The following INPP4A variants were observed in gnomAD, a reference collection of about 807,000 sequenced individuals.
INPP4A encodes inositol polyphosphate-4-phosphatase type I A.
INPP4A carries 33 observed loss-of-function variants against 119.8 expected under a neutral mutation model. The ratio of observed to expected loss-of-function variants is 0.28; its 90% CI spans 0.21 to 0.37. The LOEUF (loss-of-function observed/expected upper bound fraction) is 0.37, where lower values mean the gene tolerates loss of function less well. INPP4A is among the 10% of genes least tolerant of loss of function. The pLI is 1.00. For synonymous variants in INPP4A, 496 were observed against 500.7 expected (o/e 0.99, Z 0.12); for missense variants, 956 against 1,289.9 (o/e 0.74, Z 3.97).
In INPP4A at chr2:98,590,565, G is replaced by A. The variant is rs184839353; in HGVS notation, c.*2957G>A. 1.2e-4 allele frequency: 23 copies of A among 197,026 alleles called. 1 individual carries two copies. The East Asian group carries it at 1.6e-3, about 14-fold the overall frequency. 12.2% of individuals were successfully genotyped at this position (197,026 alleles called of 1,614,324 possible). ...TGGTAGCCATTGTTGTTACCTTCCC[G>A]TCTGTGAACATGGATCACATCATCT... On this transcript the variant is annotated 3_prime_UTR_variant, in exon 25 of 25. Transcript: ENST00000409851.
chr2:98,518,732 G>C (rs533219067), intron 1 of INPP4A, among the ~76,000 whole-genome samples: 2 of 152,176 alleles, frequency 1.3e-5, no homozygotes, highest in Non-Finnish European at 2.9e-5. Flanking sequence ...TTTAGGACAG[G>C]CCCAGACTCC....
chr2:98,513,647 G>A (rs1685554578), intron 1 of INPP4A, among the ~76,000 whole-genome samples: 1 of 152,212 alleles, frequency 6.6e-6, no homozygotes, highest in South Asian at 2.1e-4. Context: ...GAGCTGTTGT[G>A]GCAAGCCTGC....
chr2:98,488,954 T>TGA (rs1337518364), intron 1 of INPP4A, among the ~76,000 whole-genome samples: 1 of 150,956 alleles, frequency 6.6e-6, no homozygotes, highest in African/African-American at 2.4e-5. Flanking sequence ...TGTGTGTGTG[T>TGA]GTGTGTGTGT....
At chr2:98,475,282 C>G (rs1676975253) in intron 1 of INPP4A, among the ~76,000 whole-genome samples, 1 of 152,066 alleles carries the variant, frequency 6.6e-6, no homozygotes, top group South Asian at 2.1e-4. Context: ...ATCCTGGGTG[C>G]AACTTCATGC....
chr2:98,492,029 A>G (rs1424866479), intron 1 of INPP4A, among the ~76,000 whole-genome samples: 1 of 152,076 alleles, frequency 6.6e-6, no homozygotes, highest in Non-Finnish European at 1.5e-5. Flanking sequence ...AGCTGGGATT[A>G]TAGGCATGAA....
At chr2:98,581,217 G>A (rs953381681) in intron 24 of INPP4A, among the ~76,000 whole-genome samples, 3 of 152,208 alleles carry the variant, frequency 2.0e-5, no homozygotes, top group East Asian at 1.9e-4. Flanking sequence ...GGGCATGGCC[G>A]GGCAGCATGG....
chr2:98,576,956 G>C lies in INPP4A; in HGVS notation c.2632-33G>C, dbSNP rs757105244. ...GGGTGCTGCCTTTCTGTGGAGCCTC[G>C]CCTCTAAGCACGGCCCATGTTTCTG... On this transcript the variant is annotated intron_variant, in intron 23 of 24. Transcript: ENST00000409851. 2.5e-6 allele frequency: 4 copies of C among 1,593,400 alleles called. No homozygotes were observed. The African/African-American group carries it at 4.0e-5, about 16-fold the overall frequency.
chr2:98,550,477 G>T (rs921235688), intron 13 of INPP4A, among the ~76,000 whole-genome samples: 1 of 152,158 alleles, frequency 6.6e-6, no homozygotes, highest in Non-Finnish European at 1.5e-5. Flanking sequence ...CCACCCTTAC[G>T]CTCTCATGGC....
Position 98,588,746 on chromosome 2 carries a change from A to G in INPP4A, c.*1138A>G, listed in dbSNP as rs1430731075. On this transcript the variant is annotated 3_prime_UTR_variant, in exon 25 of 25. Coordinates refer to ENST00000409851, the MANE Select transcript of INPP4A (RefSeq NM_001134225.2). ...ATTTTGTCTGGTCATCTTTTATAAGATGATGATGAGTCTTATCTGCACATA... is the reference window on the plus strand; with the variant it reads ...ATTTTGTCTGGTCATCTTTTATAAGGTGATGATGAGTCTTATCTGCACATA... The G allele has an allele frequency of 4.5e-6, 1 of 222,236 alleles. No homozygotes were observed. Among genetic ancestry groups the G allele is most frequent in the South Asian group, 1.8e-4 (1 of 5,446 alleles). 13.8% of individuals were successfully genotyped at this position (222,236 alleles called of 1,614,324 possible).
chr2:98,473,581 G>A (rs1676603342), intron 1 of INPP4A, among the ~76,000 whole-genome samples: 2 of 152,250 alleles, frequency 1.3e-5, no homozygotes, highest in South Asian at 4.1e-4. Flanking sequence ...CTTACTCTGG[G>A]CACTGGCCAT....
intron 1 of INPP4A, among the ~76,000 whole-genome samples, chr2:98,448,287 T>A (rs1574435585): frequency 7.7e-6 from 1 of 129,506 alleles, no homozygotes; most frequent in Non-Finnish European, 1.6e-5. Context: ...ACTCAGGAGG[T>A]GGAGGTTGCA....
At chr2:98,482,689 C>G (rs1246553110) in intron 1 of INPP4A, among the ~76,000 whole-genome samples, 4 of 152,244 alleles carry the variant, frequency 2.6e-5, no homozygotes, top group Non-Finnish European at 5.9e-5. Context: ...CAGGGATGAG[C>G]CTCTGAGCAA....
chr2:98,564,667 A>G lies in INPP4A; in HGVS notation c.2056A>G (p.Ile686Val), dbSNP rs1322380161. The G allele has an allele frequency of 3.1e-6, 5 of 1,613,268 alleles. No homozygotes were observed. The African/African-American group carries it at 4.0e-5, about 13-fold the overall frequency. Reference sequence around the variant, plus strand: ...GACCGCCCTCATCTGCGGCTTCATCATTAAGCTGAGGAACTGCCTGCATGA... The same window carrying G: ...GACCGCCCTCATCTGCGGCTTCATCGTTAAGCTGAGGAACTGCCTGCATGA... ...TLTALICGFI[I>V]KLRNCLHDDG... The change falls in exon 19 of 25, where the codon ATT (isoleucine) becomes GTT (valine). Residue 686 changes from isoleucine (I) to valine (V), a missense_variant. Ile to Val is a conservative substitution (Grantham distance 29). Coordinates refer to ENST00000409851, the MANE Select transcript of INPP4A (RefSeq NM_001134225.2).
intron 1 of INPP4A, among the ~76,000 whole-genome samples, chr2:98,484,149 A>T (rs1679061366): frequency 6.6e-6 from 1 of 151,484 alleles, no homozygotes; most frequent in Admixed American, 6.6e-5. Context: ...ACTCCATGTT[A>T]CCCCTGGCCC....
intron 1 of INPP4A, among the ~76,000 whole-genome samples, chr2:98,450,126 A>G (rs1025734270): frequency 6.6e-6 from 1 of 152,120 alleles, no homozygotes; most frequent in East Asian, 1.9e-4. Flanking sequence ...CCTAAATGAC[A>G]AGGAACCCAA....
chr2:98,507,248 A>G (rs1365487823), intron 1 of INPP4A, among the ~76,000 whole-genome samples: 1 of 152,172 alleles, frequency 6.6e-6, no homozygotes, highest in African/African-American at 2.4e-5. Flanking sequence ...AAGGAATATA[A>G]ACCCGAGTTC....
chr2:98,461,979 G>A (rs1436575473), intron 1 of INPP4A, among the ~76,000 whole-genome samples: 3 of 152,210 alleles, frequency 2.0e-5, no homozygotes, highest in Non-Finnish European at 2.9e-5. Flanking sequence ...CTGAGGTCTG[G>A]GCCTAGGCTC....
chr2:98,571,285 G>C (rs1279753086), intron 22 of INPP4A, among the ~76,000 whole-genome samples: 1 of 152,232 alleles, frequency 6.6e-6, no homozygotes, highest in Non-Finnish European at 1.5e-5. Context: ...CTGAGGCATG[G>C]AGGGCAAGTC....
chr2:98,534,919 C>T lies in INPP4A; in HGVS notation c.271-810C>T, dbSNP rs148252146. Among the ~76,000 whole-genome samples the T allele has an allele frequency of 2.6e-3, 394 of 152,270 alleles. 4 individuals are homozygous for T. Among genetic ancestry groups the T allele is most frequent in the African/African-American group, 9.0e-3 (372 of 41,548 alleles). On this transcript the variant is annotated intron_variant, in intron 5 of 24. Transcript: ENST00000409851. ...AGAAGAAGGCACCAAAGTGAATGCC[C>T]GGGCTTTTAGCCTGCTTGGAAAGGG...
Sources: gnomAD v4.1 joint callset for allele counts (sites outside exome capture counted in the v4.1 genomes callset) on GRCh38, gnomAD v4.1.1 for gene constraint, MANE v1.5 for transcripts, NCBI Gene and HGNC (gene_info 2026-07-23, HGNC 2026-07-21) for gene names.